Variants in WDPCP observed in about 807,000 individuals in gnomAD.
WDPCP encodes WD repeat-containing and planar cell polarity effector protein fritz homolog.
Under a neutral mutation model 93.1 loss-of-function variants are expected in WDPCP, and 71 were observed. The observed-to-expected ratio is 0.76, with a 90% confidence interval of 0.63 to 0.93. The LOEUF (loss-of-function observed/expected upper bound fraction) is 0.93, where lower values mean the gene tolerates loss of function less well. WDPCP is among the 40% of genes least tolerant of loss of function. The pLI, the probability that WDPCP is intolerant of heterozygous loss-of-function variation, is 0.00. For missense variants in WDPCP, 844 were observed against 887.4 expected (o/e 0.95, Z 0.62); for synonymous variants, 315 against 315.0 (o/e 1.00, Z 0.00).
chr2:63,520,821 G>A (rs1445556827), intron 1 of WDPCP, among the ~76,000 whole-genome samples: 2 of 151,328 alleles, frequency 1.3e-5, no homozygotes, highest in Non-Finnish European at 2.9e-5. Context: ...ACATGAGCCT[G>A]GGGAGGTCAA....
intron 6 of WDPCP, among the ~76,000 whole-genome samples, chr2:63,444,789 A>C (rs1193280778): frequency 1.3e-5 from 2 of 152,196 alleles, no homozygotes; most frequent in Admixed American, 1.3e-4. Flanking sequence ...AACTGAGGCA[A>C]ATAGAAACCG....
upstream of WDPCP, chr2:63,590,430 G>A (rs991527742): frequency 2.0e-4 from 30 of 152,042 alleles, no homozygotes; most frequent in African/African-American, 7.2e-4. Context: ...TCTCGCAGCG[G>A]GGGAGAGACA....
At chr2:63,723,195 A>G (rs1368897005) in intron 2 of WDPCP, among the ~76,000 whole-genome samples, 1 of 150,602 alleles carries the variant, frequency 6.6e-6, no homozygotes, top group East Asian at 1.9e-4. Context: ...ACCTTTGTTC[A>G]CTTGTTTATC....
chr2:63,726,124 T>C (rs1316692943), intron 2 of WDPCP, among the ~76,000 whole-genome samples: 1 of 152,218 alleles, frequency 6.6e-6, no homozygotes, highest in African/African-American at 2.4e-5. Flanking sequence ...CCAGGGTATA[T>C]GTCCAGAATA....
intron 13 of WDPCP, among the ~76,000 whole-genome samples, chr2:63,292,158 GA>G (rs932619672): frequency 6.8e-6 from 1 of 146,448 alleles, no homozygotes; most frequent in African/African-American, 2.5e-5. Context: ...AAAAGAAAAA[GA>G]AAAGAAAAGA....
At chr2:63,818,605 C>G (rs1670973424) in intron 1 of WDPCP, among the ~76,000 whole-genome samples, 2 of 152,166 alleles carry the variant, frequency 1.3e-5, no homozygotes, top group East Asian at 3.8e-4. Context: ...GAATGCATCA[C>G]TACTTAGCAA....
At position 63,819,185 on chromosome 2, in the gene WDPCP, TTAG is replaced by T. The variant is rs1458476731; in HGVS notation, n.223-5481_223-5479del. Among the ~76,000 whole-genome samples the T allele has an allele frequency of 5.3e-5, 8 of 152,322 alleles. No homozygotes were observed. The East Asian group carries it at 1.3e-3, about 26-fold the overall frequency. ...TCTGGGTTCAAATCTTGGTTATTTATTAGTAGTGTGACCTTGAACAAGTTATTT... is the reference window on the plus strand; with the variant it reads ...TCTGGGTTCAAATCTTGGTTATTTATTAGTGTGACCTTGAACAAGTTATTT... On this transcript the variant is annotated intron_variant and non_coding_transcript_variant, in intron 1 of 4. Transcript: ENST00000467687.
intron 17 of WDPCP, among the ~76,000 whole-genome samples, chr2:63,142,538 G>T (rs1375146178): frequency 6.6e-6 from 1 of 152,094 alleles, no homozygotes; most frequent in Non-Finnish European, 1.5e-5. Context: ...TTTATTGAGG[G>T]TCGTTTTATG....
chr2:63,719,302 TG>T (rs1453055289), intron 2 of WDPCP, among the ~76,000 whole-genome samples: 2 of 152,124 alleles, frequency 1.3e-5, no homozygotes, highest in East Asian at 3.9e-4. Flanking sequence ...GCCAGAACCC[TG>T]GGTGGTGCAG....
chr2:63,127,928 C>G (rs1348996446), intron 17 of WDPCP, among the ~76,000 whole-genome samples: 1 of 151,960 alleles, frequency 6.6e-6, no homozygotes, highest in Non-Finnish European at 1.5e-5. Flanking sequence ...CACTTCAGGT[C>G]AGAAGTTCAA....
At chr2:63,332,893 A>T (rs1417840276) in intron 12 of WDPCP, among the ~76,000 whole-genome samples, 7 of 152,102 alleles carry the variant, frequency 4.6e-5, no homozygotes, top group African/African-American at 1.7e-4. Context: ...TACAGGTACA[A>T]CCACACTCGA....
chr2:63,204,386 G>C (rs1676166791), intron 14 of WDPCP, among the ~76,000 whole-genome samples: 1 of 132,234 alleles, frequency 7.6e-6, no homozygotes, highest in African/African-American at 2.8e-5. Context: ...TGGTCACCCA[G>C]GCTGGAGTGC....
intron 13 of WDPCP, among the ~76,000 whole-genome samples, chr2:63,289,432 T>C (rs1684241463): frequency 6.6e-6 from 1 of 152,130 alleles, no homozygotes; most frequent in Non-Finnish European, 1.5e-5. Context: ...CTCTTGTGAT[T>C]CCTTCTTTAA....
At chr2:63,160,084 C>G (rs1421009816) in intron 15 of WDPCP, among the ~76,000 whole-genome samples, 1 of 152,116 alleles carries the variant, frequency 6.6e-6, no homozygotes, top group Admixed American at 6.5e-5. Flanking sequence ...TTCTTGTCTT[C>G]GTCCTTATTT....
chr2:63,161,884 C>T (rs1297262493), intron 15 of WDPCP, among the ~76,000 whole-genome samples: 1 of 151,982 alleles, frequency 6.6e-6, no homozygotes, highest in Non-Finnish European at 1.5e-5. Flanking sequence ...CTGCCTCGGC[C>T]TCCTGAGTAG....
intron 2 of WDPCP, among the ~76,000 whole-genome samples, chr2:63,669,103 T>C (rs1710316817): frequency 6.6e-6 from 1 of 152,166 alleles, no homozygotes; most frequent in Non-Finnish European, 1.5e-5. Flanking sequence ...TCTTTTCTGG[T>C]ATGAAGTAGA....
intron 6 of WDPCP, among the ~76,000 whole-genome samples, chr2:63,456,893 T>A (rs1334068147): frequency 6.6e-6 from 1 of 152,112 alleles, no homozygotes; most frequent in Non-Finnish European, 1.5e-5. Context: ...ATGCCTGTAA[T>A]CCCAGCTACT....
chr2:63,667,679 A>G (rs1265030518), intron 2 of WDPCP, among the ~76,000 whole-genome samples: 1 of 152,108 alleles, frequency 6.6e-6, no homozygotes, highest in Non-Finnish European at 1.5e-5. Flanking sequence ...TTTGCAGGGT[A>G]GGTTGGAGAA....
At position 63,228,498 on chromosome 2, in the gene WDPCP, T is replaced by C. The variant is rs539960420; in HGVS notation, c.1915+30809A>G. 2.0e-5 allele frequency: 3 copies of C among 151,670 alleles called. No individual in the cohort carries two copies. In the South Asian group the frequency reaches 6.3e-4, roughly 32 times the overall value. The allele number at this position is 151,670 out of a possible 1,614,324, so 9.4% of individuals were successfully genotyped here. ...GCACAACGTGCAGGTTTGTTACATA[T>C]GTATACATGTGCCATGGTGGTGTGC... On this transcript the variant is annotated intron_variant, in intron 14 of 17. Coordinates refer to ENST00000272321, the MANE Select transcript of WDPCP (RefSeq NM_015910.7).
Sources: gnomAD v4.1 joint callset for allele counts (sites outside exome capture counted in the v4.1 genomes callset) on GRCh38, gnomAD v4.1.1 for gene constraint, MANE v1.5 for transcripts, NCBI Gene and HGNC (gene_info 2026-07-23, HGNC 2026-07-21) for gene names.